PTPRD: variants seen among roughly 807,000 people sequenced by gnomAD.
The protein encoded by PTPRD is protein tyrosine phosphatase receptor type D, also known as receptor-type tyrosine-protein phosphatase delta.
A neutral mutation model predicts 214.5 loss-of-function variants in PTPRD; 34 were observed. That is an observed-to-expected ratio of 0.16 (90% CI 0.12 to 0.21). PTPRD has a LOEUF of 0.21. PTPRD is among the 10% of genes least tolerant of loss of function. PTPRD has a pLI of 1.00. For synonymous variants in PTPRD, 1,128 were observed against 845.7 expected (o/e 1.33, Z -5.79); for missense variants, 2,545 against 2,398.7 (o/e 1.06, Z -1.27).
intron 14 of PTPRD, among the ~76,000 whole-genome samples, chr9:8,554,330 A>G (rs913630226): frequency 2.6e-4 from 39 of 152,240 alleles, no homozygotes; most frequent in African/African-American, 8.7e-4. Context: ...ATAGAAAAAA[A>G]TGATTATTCT....
chr9:8,501,114 A>G lies in PTPRD; in HGVS notation c.1823-55T>C, dbSNP rs559441785. On this transcript the variant is annotated intron_variant, in intron 23 of 45. Transcript: ENST00000381196. ...TTAAGTGAAAGGACAGGAGTGGTTG[A>G]AAAAAAAAATGATAAAACAAAAGAA... is the stretch of plus-strand genomic sequence containing the variant. 14 of 1,159,488 alleles carry G rather than the reference A, an allele frequency of 1.2e-5. No individual in the cohort carries two copies. In the East Asian group the frequency reaches 3.1e-4, roughly 26 times the overall value. 71.8% of individuals were successfully genotyped at this position (1,159,488 alleles called of 1,614,324 possible).
At chr9:9,670,965 G>C (rs753161075) in intron 7 of PTPRD, among the ~76,000 whole-genome samples, 4 of 152,136 alleles carry the variant, frequency 2.6e-5, no homozygotes, top group Non-Finnish European at 5.9e-5. Flanking sequence ...AGTAAGAAGA[G>C]TAAGAAGAGT....
chr9:10,266,630 A>T (rs529796577), intron 3 of PTPRD, among the ~76,000 whole-genome samples: 2 of 152,300 alleles, frequency 1.3e-5, no homozygotes, highest in Admixed American at 1.3e-4. Context: ...TGGAAAGTGG[A>T]TAGGAGAGAA....
intron 8 of PTPRD, among the ~76,000 whole-genome samples, chr9:9,412,228 A>G (rs1052260886): frequency 6.6e-6 from 1 of 152,168 alleles, no homozygotes; most frequent in Non-Finnish European, 1.5e-5. Flanking sequence ...TATTTTAATA[A>G]TTATGCCTTA....
chr9:9,940,798 A>T (rs959277338), intron 4 of PTPRD, among the ~76,000 whole-genome samples: 53 of 152,234 alleles, frequency 3.5e-4, no homozygotes, highest in Non-Finnish European at 4.4e-5. Flanking sequence ...CTTAAGAATG[A>T]TTTCTCTTCC....
chr9:8,741,485 G>A (rs528514062), intron 11 of PTPRD, among the ~76,000 whole-genome samples: 8 of 147,908 alleles, frequency 5.4e-5, no homozygotes, highest in East Asian at 2.0e-4. Flanking sequence ...GATCTTTCTC[G>A]CAAAGTGTAG....
Position 8,928,340 on chromosome 9 carries a change from A to T in PTPRD, c.-104+90357T>A, listed in dbSNP as rs528621240. On this transcript the variant is annotated intron_variant, in intron 11 of 45. Coordinates refer to ENST00000381196, the MANE Select transcript of PTPRD (RefSeq NM_002839.4). ...CTAGGGTTTTTATGGTTTTAGGTCT[A>T]ACATTTAAGTCTTTAATCCATCTTT... Among the ~76,000 whole-genome samples, 16 of 152,230 alleles carry T rather than the reference A, an allele frequency of 1.1e-4. No homozygotes were observed. In the South Asian group the frequency reaches 2.7e-3, roughly 26 times the overall value.
chr9:9,191,716 C>G (rs2099935313), intron 9 of PTPRD, among the ~76,000 whole-genome samples: 1 of 151,822 alleles, frequency 6.6e-6, no homozygotes, highest in African/African-American at 2.4e-5. Flanking sequence ...GAACCAAAAG[C>G]CATTTAAGAA....
intron 14 of PTPRD, among the ~76,000 whole-genome samples, chr9:8,560,293 G>A (rs1221906280): frequency 1.3e-5 from 2 of 152,014 alleles, no homozygotes; most frequent in African/African-American, 2.4e-5. Context: ...ATCTTTAAGA[G>A]ATAACATGAT....
chr9:9,502,522 G>C (rs1186431172), intron 8 of PTPRD, among the ~76,000 whole-genome samples: 1 of 151,806 alleles, frequency 6.6e-6, no homozygotes, highest in Non-Finnish European at 1.5e-5. Context: ...TAACTCTTTG[G>C]ACTAATACTT....
At chr9:9,156,323 C>G (rs1302272111) in intron 10 of PTPRD, among the ~76,000 whole-genome samples, 2 of 151,724 alleles carry the variant, frequency 1.3e-5, no homozygotes, top group African/African-American at 4.8e-5. Flanking sequence ...ATGTAAAATT[C>G]CCATTTTCTA....
At chr9:8,481,139 C>CAA (rs34451513) in intron 30 of PTPRD, among the ~76,000 whole-genome samples, 59 of 39,414 alleles carry the variant, frequency 1.5e-3, no homozygotes, top group African/African-American at 3.3e-3. Flanking sequence ...GACTCCGTCT[C>CAA]AAAAAAAAAA....
chr9:9,777,962 G>A (rs751794207), intron 5 of PTPRD, among the ~76,000 whole-genome samples: 2 of 152,250 alleles, frequency 1.3e-5, no homozygotes, highest in South Asian at 2.1e-4. Context: ...AGAAAAGCAT[G>A]GACAAAGAGG....
At chr9:9,182,792 C>T (rs1458049125) in intron 10 of PTPRD, among the ~76,000 whole-genome samples, 2 of 151,914 alleles carry the variant, frequency 1.3e-5, no homozygotes, top group East Asian at 3.9e-4. Context: ...TATTGTTTAA[C>T]AAAGATTAGA....
At chr9:8,782,335 A>G (rs1259401236) in intron 11 of PTPRD, among the ~76,000 whole-genome samples, 2 of 152,106 alleles carry the variant, frequency 1.3e-5, no homozygotes, top group Non-Finnish European at 2.9e-5. Flanking sequence ...TGTAGTCAAC[A>G]ACTTTTTTAT....
intron 2 of PTPRD, among the ~76,000 whole-genome samples, chr9:10,454,411 T>A (rs2098888285): frequency 6.6e-6 from 1 of 151,626 alleles, no homozygotes; most frequent in Non-Finnish European, 1.5e-5. Flanking sequence ...TTCCTCAGAA[T>A]ACTTTTTTTA....
At chr9:10,344,439 G>C (rs1212772626) in intron 2 of PTPRD, among the ~76,000 whole-genome samples, 1 of 152,148 alleles carries the variant, frequency 6.6e-6, no homozygotes, top group Non-Finnish European at 1.5e-5. Context: ...TAGTCTTGTA[G>C]TATAGCTTGA....
intron 3 of PTPRD, among the ~76,000 whole-genome samples, chr9:10,218,958 AAAGT>A (rs1187294203): frequency 1.3e-5 from 2 of 151,872 alleles, no homozygotes; most frequent in East Asian, 1.9e-4. Context: ...GAGAAAATTA[AAAGT>A]AAGAAGAAAA....
intron 12 of PTPRD, among the ~76,000 whole-genome samples, chr9:8,682,418 C>G (rs1323131429): frequency 7.0e-6 from 1 of 143,530 alleles, no homozygotes; most frequent in Non-Finnish European, 1.5e-5. Context: ...GGATACATAT[C>G]CAAATTACAC....
Sources: allele counts gnomAD v4.1 joint callset (sites outside exome capture counted in the v4.1 genomes callset), GRCh38; gene constraint gnomAD v4.1.1; transcripts MANE v1.5; gene names NCBI Gene and HGNC (gene_info 2026-07-23, HGNC 2026-07-21).